The following KAZN variants were observed in gnomAD, a reference collection of about 807,000 sequenced individuals.
KAZN encodes the protein kazrin.
In KAZN, 40 loss-of-function variants were observed where a neutral mutation model predicts 87.4. That is an observed-to-expected ratio of 0.46 (90% CI 0.36 to 0.60). The LOEUF is 0.60. Among genes scored for constraint, KAZN ranks in the 20% least tolerant of loss-of-function variants. The pLI, the probability that KAZN is intolerant of heterozygous loss-of-function variation, is 0.00. For synonymous variants in KAZN, 466 were observed against 458.3 expected (o/e 1.02, Z -0.22); for missense variants, 898 against 1,073.9 (o/e 0.84, Z 2.29).
At chr1:13,932,299 C>T (rs374943209) in intron 1 of KAZN, among the ~76,000 whole-genome samples, 1 of 129,482 alleles carries the variant, frequency 7.7e-6, no homozygotes, top group African/African-American at 3.0e-5. Flanking sequence ...CTCGCTCTGT[C>T]GCCCAGGCTG....
At chr1:14,009,002 T>C (rs947877716) in intron 1 of KAZN, among the ~76,000 whole-genome samples, 3 of 152,188 alleles carry the variant, frequency 2.0e-5, no homozygotes, top group Admixed American at 6.5e-5. Context: ...TACCGTTCTA[T>C]TTTCTGTCTC....
chr1:14,105,876 A>T (rs976647938), intron 1 of KAZN, among the ~76,000 whole-genome samples: 4 of 152,226 alleles, frequency 2.6e-5, no homozygotes, highest in African/African-American at 9.6e-5. Context: ...GGAGCTTGTG[A>T]GGAATTGACA....
intron 2 of KAZN, among the ~76,000 whole-genome samples, chr1:14,379,180 G>A (rs1234294491): frequency 6.6e-6 from 1 of 151,130 alleles, no homozygotes; most frequent in African/African-American, 2.4e-5. Flanking sequence ...TGCAGTCCTC[G>A]TAGGACCCAT....
rs149343992 is a variant in KAZN, at chr1:13,980,662, A to G, written c.91+86906A>G. ...ACTAAAAGGAGAAGTAGATACATGAACAATCAGGGCTAGAGATTTTAAGAT... is the reference window on the plus strand; with the variant it reads ...ACTAAAAGGAGAAGTAGATACATGAGCAATCAGGGCTAGAGATTTTAAGAT... On this transcript the variant is annotated intron_variant, in intron 1 of 16. Transcript: ENST00000636203. Among the ~76,000 whole-genome samples the G allele has an allele frequency of 2.2e-3, 335 of 152,312 alleles. 2 individuals are homozygous for G. The highest frequency in any genetic ancestry group is 7.9e-3 in the African/African-American group (328 of 41,568).
In KAZN at chr1:14,417,416, A is replaced by G. The variant is rs1571585709; in HGVS notation, c.250-181567A>G. Reference sequence around the variant, plus strand: ...TTTGGAAGGAAAGATACTTAATTTGACTTCACCTTCACAGAAAGGTGAACT... The same window carrying G: ...TTTGGAAGGAAAGATACTTAATTTGGCTTCACCTTCACAGAAAGGTGAACT... On this transcript the variant is annotated intron_variant, in intron 2 of 16. Transcript: ENST00000636203. Among the ~76,000 whole-genome samples, 5 of 152,256 alleles carry G rather than the reference A, an allele frequency of 3.3e-5. 1 individual carries two copies. The South Asian group carries it at 1.0e-3, about 32-fold the overall frequency.
At chr1:14,970,000 G>A (rs938395037) in intron 2 of KAZN, among the ~76,000 whole-genome samples, 1 of 152,044 alleles carries the variant, frequency 6.6e-6, no homozygotes, top group Non-Finnish European at 1.5e-5. Context: ...TTTTAGTAGA[G>A]CTGGGGTTTC....
chr1:14,496,575 G>A (rs1364382103), intron 2 of KAZN, among the ~76,000 whole-genome samples: 6 of 151,758 alleles, frequency 4.0e-5, no homozygotes, highest in Admixed American at 1.3e-4. Context: ...GAAAAGGTTC[G>A]TGATCACTTT....
At chr1:14,327,780 A>G (rs528649271) in intron 2 of KAZN, among the ~76,000 whole-genome samples, 1 of 152,344 alleles carries the variant, frequency 6.6e-6, no homozygotes, top group South Asian at 2.1e-4. Flanking sequence ...TTGTACAAAC[A>G]CTAATCACGC....
intron 2 of KAZN, among the ~76,000 whole-genome samples, chr1:14,588,205 G>C (rs1318300858): frequency 6.6e-6 from 1 of 152,126 alleles, no homozygotes; most frequent in Non-Finnish European, 1.5e-5. Flanking sequence ...CATTTTCATA[G>C]CACCCCTTCC....
intron 1 of KAZN, among the ~76,000 whole-genome samples, chr1:13,981,089 T>TTATATATATATATATATATATATG: frequency 1.6e-5 from 1 of 63,136 alleles, no homozygotes; most frequent in African/African-American, 5.8e-5. Flanking sequence ...AAATTACTCT[T>TTATATATATATATATATATATATG]TATATATATA....
At chr1:14,927,164 T>C (rs956709460) in intron 1 of KAZN, among the ~76,000 whole-genome samples, 3 of 152,232 alleles carry the variant, frequency 2.0e-5, no homozygotes, top group African/African-American at 4.8e-5. Context: ...AATAACTCCT[T>C]CTGAAGGACG....
chr1:14,847,529 T>A (rs1648928993), intron 1 of KAZN, among the ~76,000 whole-genome samples: 1 of 152,252 alleles, frequency 6.6e-6, no homozygotes, highest in Non-Finnish European at 1.5e-5. Flanking sequence ...CGCAGTGAGC[T>A]ATGTACATCT....
chr1:14,112,479 G>C (rs1022700555), intron 1 of KAZN, among the ~76,000 whole-genome samples: 4 of 152,190 alleles, frequency 2.6e-5, no homozygotes, highest in Non-Finnish European at 5.9e-5. Flanking sequence ...CTGGCTTTTA[G>C]GAGAAAGAAC....
chr1:14,810,695 T>G (rs1348002077), intron 1 of KAZN, among the ~76,000 whole-genome samples: 1 of 152,172 alleles, frequency 6.6e-6, no homozygotes, highest in Middle Eastern at 3.2e-3. Context: ...CCTGCCGGAT[T>G]CCAGGGTGTG....
At chr1:14,553,628 A>G (rs1673681822) in intron 2 of KAZN, among the ~76,000 whole-genome samples, 1 of 152,170 alleles carries the variant, frequency 6.6e-6, no homozygotes. Context: ...CTTGCTGCTC[A>G]GTGCGTGAGC....
At chr1:14,747,333 G>A (rs776578998) in intron 1 of KAZN, among the ~76,000 whole-genome samples, 6 of 152,054 alleles carry the variant, frequency 3.9e-5, no homozygotes, top group African/African-American at 7.2e-5. Flanking sequence ...CTGGAGTGCA[G>A]TGACACGCTT....
chr1:14,760,059 C>A (rs1426104043), intron 1 of KAZN, among the ~76,000 whole-genome samples: 2 of 152,112 alleles, frequency 1.3e-5, no homozygotes, highest in Non-Finnish European at 2.9e-5. Context: ...AGGACACACC[C>A]CGAGGTGTAA....
intron 1 of KAZN, among the ~76,000 whole-genome samples, chr1:14,152,286 T>G (rs993495453): frequency 6.6e-6 from 1 of 152,178 alleles, no homozygotes; most frequent in African/African-American, 2.4e-5. Context: ...TTTCAAGCCA[T>G]TTTTTCTTTT....
intron 2 of KAZN, among the ~76,000 whole-genome samples, chr1:14,574,379 A>G (rs1198057970): frequency 6.6e-6 from 1 of 152,178 alleles, no homozygotes; most frequent in Non-Finnish European, 1.5e-5. Flanking sequence ...TGTAGCTCCC[A>G]TAATTCCCAC....
Sources: gnomAD v4.1 joint callset for allele counts (sites outside exome capture counted in the v4.1 genomes callset) on GRCh38, gnomAD v4.1.1 for gene constraint, MANE v1.5 for transcripts, NCBI Gene and HGNC (gene_info 2026-07-23, HGNC 2026-07-21) for gene names.